MED27: variants seen among roughly 807,000 people sequenced by gnomAD.
The protein encoded by MED27 is mediator complex subunit 27.
A neutral mutation model predicts 38.2 loss-of-function variants in MED27; 30 were observed. That is an observed-to-expected ratio of 0.79 (90% CI 0.59 to 1.07). MED27 has a LOEUF of 1.07. Ranked by LOEUF, MED27 falls within the 50% of genes least tolerant of loss-of-function variation. MED27 has a pLI of 0.00. For missense variants in MED27, 289 were observed against 397.5 expected (o/e 0.73, Z 2.32); for synonymous variants, 122 against 153.5 (o/e 0.79, Z 1.52).
chr9:132,050,660 G>T (rs768690557), intron 2 of MED27, among the ~76,000 whole-genome samples: 1 of 152,184 alleles, frequency 6.6e-6, no homozygotes, highest in South Asian at 2.1e-4. Flanking sequence ...GGCTGGACTT[G>T]CAGTTTCCTC....
chr9:131,951,905 C>T (rs768270687), intron 3 of MED27, among the ~76,000 whole-genome samples: 2 of 152,178 alleles, frequency 1.3e-5, no homozygotes, highest in Non-Finnish European at 2.9e-5. Context: ...CAATGCATTT[C>T]AGTTAGTAAG....
intron 2 of MED27, among the ~76,000 whole-genome samples, chr9:132,017,051 T>C (rs189328579): frequency 6.6e-6 from 1 of 152,298 alleles, no homozygotes; most frequent in Non-Finnish European, 1.5e-5. Flanking sequence ...GCAGCACTTG[T>C]TAATCATATA....
chr9:131,917,175 G>T lies in MED27; in HGVS notation c.573+22206C>A, dbSNP rs1206089787. Among the ~76,000 whole-genome samples, 1 of 152,136 alleles carries T rather than the reference G, an allele frequency of 6.6e-6. No homozygotes were observed. Among genetic ancestry groups the T allele is most frequent in the Non-Finnish European group, 1.5e-5 (1 of 68,020 alleles). On this transcript the variant is annotated intron_variant, in intron 4 of 7. Transcript: ENST00000292035. This position sits in a 1 kb window ranked among gnomAD's most constrained non-coding sequence, Gnocchi z 4.6. ...TTGGCATTTAGCAGATTGGAGCCAGGAATGCTAAACCTTCTGCAATACGCT... is the reference window on the plus strand; with the variant it reads ...TTGGCATTTAGCAGATTGGAGCCAGTAATGCTAAACCTTCTGCAATACGCT...
Position 131,872,296 on chromosome 9 carries a change from T to C in MED27, c.724-9156A>G, listed in dbSNP as rs1171461851. On this transcript the variant is annotated intron_variant, in intron 6 of 7. Transcript: ENST00000292035. The surrounding 1 kb of genome is among the most constrained non-coding windows in gnomAD (Gnocchi z 5.6). The stretch of plus-strand genomic sequence containing the variant: ...TGAGCTTGAACAGAGACGCTCTTCC[T>C]AACGCACCTGCTGAGGGCATTATCT... Among the ~76,000 whole-genome samples the C allele has an allele frequency of 6.6e-6, 1 of 152,228 alleles. No individual in the cohort carries two copies. Among genetic ancestry groups the C allele is most frequent in the African/African-American group, 2.4e-5 (1 of 41,468 alleles).
At chr9:131,930,048 C>T (rs773235085) in intron 4 of MED27, among the ~76,000 whole-genome samples, 5 of 149,008 alleles carry the variant, frequency 3.4e-5, no homozygotes, top group East Asian at 1.9e-4. Flanking sequence ...GAGAGAGAGG[C>T]TCCCTTTGTT....
At chr9:131,891,600 TG>T (rs1839229812) in intron 5 of MED27, among the ~76,000 whole-genome samples, 1 of 152,142 alleles carries the variant, frequency 6.6e-6, no homozygotes, top group Non-Finnish European at 1.5e-5. Context: ...TTCTCAAACT[TG>T]TTTGACCATG....
intron 3 of MED27, among the ~76,000 whole-genome samples, chr9:131,950,696 T>G (rs1288217428): frequency 6.6e-6 from 1 of 152,150 alleles, no homozygotes; most frequent in Non-Finnish European, 1.5e-5. Flanking sequence ...GAACCCCTCC[T>G]GGGACAAACA....
chr9:132,066,295 C>T (rs1833807909), intron 2 of MED27, among the ~76,000 whole-genome samples: 1 of 152,202 alleles, frequency 6.6e-6, no homozygotes, highest in Admixed American at 6.5e-5. Context: ...CAAGGCATTC[C>T]AGGCGGAGGC....
At chr9:132,000,879 C>T (rs1490188085) in intron 3 of MED27, among the ~76,000 whole-genome samples, 1 of 151,818 alleles carries the variant, frequency 6.6e-6, no homozygotes, top group African/African-American at 2.4e-5. Context: ...AGCTACCACG[C>T]CTAGTCAAAA....
At chr9:131,975,452 T>C (rs577253959) in intron 3 of MED27, among the ~76,000 whole-genome samples, 6 of 152,244 alleles carry the variant, frequency 3.9e-5, no homozygotes, top group Non-Finnish European at 7.3e-5. Context: ...TGAGTTCTCA[T>C]CTTGTTTCTG....
intron 3 of MED27, among the ~76,000 whole-genome samples, chr9:131,978,833 A>G (rs189566478): frequency 1.3e-5 from 2 of 152,360 alleles, no homozygotes; most frequent in Admixed American, 6.5e-5. Context: ...CCATCGCAAG[A>G]GGGCGTTTTA....
intron 3 of MED27, among the ~76,000 whole-genome samples, chr9:131,954,890 C>A (rs1176314387): frequency 6.6e-6 from 1 of 152,080 alleles, no homozygotes; most frequent in Non-Finnish European, 1.5e-5. Context: ...AAAAAATAGT[C>A]AATACCACGC....
intron 3 of MED27, among the ~76,000 whole-genome samples, chr9:131,940,178 T>C (rs1229512327): frequency 6.6e-6 from 1 of 151,982 alleles, no homozygotes; most frequent in Non-Finnish European, 1.5e-5. Context: ...GTGCTGGGAT[T>C]ATAAGCATGA....
intron 2 of MED27, among the ~76,000 whole-genome samples, chr9:132,058,458 C>T (rs1400932770): frequency 6.6e-6 from 1 of 151,958 alleles, no homozygotes; most frequent in African/African-American, 2.4e-5. Context: ...GGCTTTTCCC[C>T]CTTTGCTCAG....
intron 6 of MED27, among the ~76,000 whole-genome samples, chr9:131,864,461 C>T (rs1838703230): frequency 6.6e-6 from 1 of 152,216 alleles, no homozygotes; most frequent in African/African-American, 2.4e-5. Flanking sequence ...CCAGCCTGGG[C>T]GACAGAGACC....
intron 2 of MED27, among the ~76,000 whole-genome samples, chr9:132,028,076 C>T (rs977894934): frequency 2.6e-5 from 4 of 152,156 alleles, no homozygotes; most frequent in African/African-American, 9.7e-5. Context: ...CCTCCTTCCA[C>T]CTGCCTCACC....
At chr9:132,073,440 C>T (rs1268090406) in intron 2 of MED27, 30 of 1,107,610 alleles carry the variant, frequency 2.7e-5, no homozygotes, top group Non-Finnish European at 3.2e-5. Flanking sequence ...TTGCTGGGGA[C>T]TCCCAGCAAG....
At chr9:132,010,992 T>G (rs1832475081) in intron 3 of MED27, among the ~76,000 whole-genome samples, 1 of 152,138 alleles carries the variant, frequency 6.6e-6, no homozygotes, top group Non-Finnish European at 1.5e-5. Flanking sequence ...GTAACAAACC[T>G]GCAGGTTGTG....
At chr9:132,014,083 G>A (rs950431729) in intron 3 of MED27, among the ~76,000 whole-genome samples, 1 of 150,764 alleles carries the variant, frequency 6.6e-6, no homozygotes, top group Admixed American at 6.6e-5. Context: ...GTGTGCGCTT[G>A]TAATCCCAGC....
Sources: allele counts gnomAD v4.1 joint callset (sites outside exome capture counted in the v4.1 genomes callset), GRCh38; gene constraint gnomAD v4.1.1; non-coding constraint Gnocchi (gnomAD v3.1); transcripts MANE v1.5; gene names NCBI Gene and HGNC (gene_info 2026-07-23, HGNC 2026-07-21).